The following MSTO1 variants were observed in gnomAD, a reference collection of about 807,000 sequenced individuals.
MSTO1 encodes protein misato homolog 1.
MSTO1 carries 24 observed loss-of-function variants against 55.7 expected under a neutral mutation model. The ratio of observed to expected loss-of-function variants is 0.43; its 90% CI spans 0.31 to 0.61. The LOEUF is 0.61. MSTO1 is among the 20% of genes least tolerant of loss of function. MSTO1 has a pLI of 0.09. For missense variants in MSTO1, 363 were observed against 625.7 expected (o/e 0.58, Z 4.48); for synonymous variants, 162 against 252.8 (o/e 0.64, Z 3.41).
At chr1:155,593,291 A>G in the MSTO1 span, among the ~76,000 whole-genome samples, 1 of 152,222 alleles carries the variant, frequency 6.6e-6, no homozygotes, top group Admixed American at 6.6e-5. Context: ...AGGGCAAAAG[A>G]CTAAGTACTT....
At chr1:155,565,490 C>T in the MSTO1 span, among the ~76,000 whole-genome samples, 1 of 151,940 alleles carries the variant, frequency 6.6e-6, no homozygotes, top group Admixed American at 6.6e-5. Flanking sequence ...AGCCTGAGGC[C>T]CAGAGAAGTC....
chr1:155,584,312 T>C, the MSTO1 span, among the ~76,000 whole-genome samples: 1 of 151,988 alleles, frequency 6.6e-6, no homozygotes, highest in Non-Finnish European at 1.5e-5. Flanking sequence ...TGAGCTGTGA[T>C]TGTGCCACTG....
chr1:155,608,933 CCT>C (rs952934511), upstream of MSTO1, among the ~76,000 whole-genome samples: 2 of 148,996 alleles, frequency 1.3e-5, no homozygotes, highest in Non-Finnish European at 3.0e-5. Context: ...CAAATGATTC[CCT>C]GACTCAGCCT....
the MSTO1 span, among the ~76,000 whole-genome samples, chr1:155,572,437 G>A: frequency 7.2e-5 from 11 of 151,792 alleles, no homozygotes; most frequent in East Asian, 2.0e-4. Flanking sequence ...TGGAATGGCC[G>A]GGTGCGGTGG....
At chr1:155,577,632 C>G in the MSTO1 span, among the ~76,000 whole-genome samples, 1 of 152,102 alleles carries the variant, frequency 6.6e-6, no homozygotes, top group African/African-American at 2.4e-5. Context: ...ATTACTGTAG[C>G]TTTATCGTAA....
the MSTO1 span, among the ~76,000 whole-genome samples, chr1:155,595,176 G>GTTTTTT: frequency 3.9e-5 from 4 of 102,514 alleles, no homozygotes; most frequent in Non-Finnish European, 3.8e-5. Flanking sequence ...CAGGTTTGTT[G>GTTTTTT]TTTTTTTTTT....
intron 8 of MSTO1, 49 bp from the exon 9 acceptor site, chr1:155,612,369 G>C (rs1161360174): frequency 6.3e-7 from 1 of 1,582,480 alleles, no homozygotes; most frequent in African/African-American, 1.3e-5. Context: ...GGAGAAATCA[G>C]AATCCCAGTG....
At chr1:155,604,216 C>T in the MSTO1 span, among the ~76,000 whole-genome samples, 4 of 152,164 alleles carry the variant, frequency 2.6e-5, no homozygotes, top group South Asian at 4.1e-4. Flanking sequence ...AGAAGTTATA[C>T]GGAGTGGACC....
At chr1:155,583,222 CTT>C in the MSTO1 span, among the ~76,000 whole-genome samples, 144 of 133,718 alleles carry the variant, frequency 1.1e-3, no homozygotes, top group Admixed American at 1.2e-3. Context: ...GAAGGTATAT[CTT>C]TTTTTTTTTT....
chr1:155,568,940 C>A, the MSTO1 span, among the ~76,000 whole-genome samples: 3 of 150,662 alleles, frequency 2.0e-5, no homozygotes, highest in African/African-American at 7.3e-5. Flanking sequence ...CAACCTGCAT[C>A]TCCCGGGTTC....
chr1:155,611,277 T>G lies in MSTO1; in HGVS notation c.352T>G (p.Phe118Val). ...LYPKNPYLQD[F>V]LSAEGVLSSD... is the part of the protein sequence containing the mutation. ...TCCCAAGAACCCTTATCTCCAAGAC[T>G]TTCTGAGTGCAGAGGTGAGGGCCTC... Residue 118 changes from phenylalanine to valine, a missense_variant, in exon 4 of 14, where the codon TTT becomes GTT. This residue lies in a region of MSTO1 where 94 missense variants were observed against 212.4 expected (regional missense o/e 0.44). Coordinates refer to ENST00000245564, the MANE Select transcript of MSTO1 (RefSeq NM_018116.4). 6.2e-7 allele frequency: 1 copy of G among 1,613,162 alleles called. No homozygotes were observed. The highest frequency in any genetic ancestry group is 8.5e-7 in the Non-Finnish European group (1 of 1,179,668).
chr1:155,612,778 T>A, intron 9 of MSTO1, 66 bp from the exon 10 acceptor site: 1 of 1,593,088 alleles, frequency 6.3e-7, no homozygotes, highest in African/African-American at 1.3e-5. Context: ...CTGGTGTTAA[T>A]ATTCTGCCTC....
chr1:155,590,809 ACCAGGGGGTTATAGAAGTC>A, the MSTO1 span: 1 of 1,607,018 alleles, frequency 6.2e-7, no homozygotes, highest in East Asian at 2.2e-5. Flanking sequence ...GGCCTCAGCC[ACCAGGGGGTTATAGAAGTC>A]CCAGATGATG....
At chr1:155,578,606 G>C in the MSTO1 span, among the ~76,000 whole-genome samples, 793 of 148,756 alleles carry the variant, frequency 5.3e-3, 8 homozygotes, top group East Asian at 0.045. Context: ...CGCCTCCCAG[G>C]TTCACGCCAT....
upstream of MSTO1, chr1:155,610,077 G>A (rs1430385351): frequency 1.5e-6 from 1 of 675,542 alleles, no homozygotes; most frequent in East Asian, 2.8e-5. Context: ...ACTGGGCCAC[G>A]TCTAGGAAGA....
the MSTO1 span, among the ~76,000 whole-genome samples, chr1:155,578,362 T>C: frequency 7.1e-6 from 1 of 140,448 alleles, no homozygotes; most frequent in African/African-American, 2.6e-5. Context: ...TTTTTTTTTT[T>C]TTGAGATAGA....
the MSTO1 span, among the ~76,000 whole-genome samples, chr1:155,591,952 G>A: frequency 2.6e-5 from 4 of 152,048 alleles, no homozygotes; most frequent in Admixed American, 1.3e-4. Flanking sequence ...CAAAAAAAAA[G>A]TATAACAAAA....
At chr1:155,574,135 A>G in the MSTO1 span, among the ~76,000 whole-genome samples, 1 of 152,274 alleles carries the variant, frequency 6.6e-6, no homozygotes, top group East Asian at 1.9e-4. Flanking sequence ...AGGCAGGCAT[A>G]TCGCTTGAGC....
the MSTO1 span, chr1:155,591,351 C>T: frequency 9.9e-7 from 1 of 1,014,762 alleles, no homozygotes; most frequent in Admixed American, 2.6e-5. Context: ...CGGTGATCTT[C>T]TAGATTGGCC....
Sources: gnomAD v4.1 joint callset for allele counts (sites outside exome capture counted in the v4.1 genomes callset) on GRCh38, gnomAD v4.1.1 for gene constraint, gnomAD v4.1.1 regional missense constraint, MANE v1.5 for transcripts, NCBI Gene and HGNC (gene_info 2026-07-23, HGNC 2026-07-21) for gene names.